SCAPER: variants seen among roughly 807,000 people sequenced by gnomAD.
The protein encoded by SCAPER is S phase cyclin A-associated protein in the endoplasmic reticulum.
Under a neutral mutation model 182.2 loss-of-function variants are expected in SCAPER, and 98 were observed. The ratio of observed to expected loss-of-function variants is 0.54; its 90% CI spans 0.46 to 0.64. SCAPER has a LOEUF of 0.64. SCAPER is among the 30% of genes least tolerant of loss of function. The pLI is 0.00. For synonymous variants in SCAPER, 605 were observed against 564.6 expected (o/e 1.07, Z -1.01); for missense variants, 1,432 against 1,690.0 (o/e 0.85, Z 2.68).
At chr15:76,569,931 G>A (rs545062310) in intron 23 of SCAPER, among the ~76,000 whole-genome samples, 1 of 152,074 alleles carries the variant, frequency 6.6e-6, no homozygotes, top group South Asian at 2.1e-4. Context: ...GCATAGTTCT[G>A]GAGCATCTGT....
intron 20 of SCAPER, among the ~76,000 whole-genome samples, chr15:76,682,273 C>A (rs1347206260): frequency 7.0e-6 from 1 of 143,862 alleles, no homozygotes; most frequent in Non-Finnish European, 1.5e-5. Context: ...TTCCCCCCCC[C>A]ACCCCACAGT....
chr15:76,540,552 AGT>A (rs2044647184), intron 23 of SCAPER, among the ~76,000 whole-genome samples: 1 of 152,038 alleles, frequency 6.6e-6, no homozygotes, highest in African/African-American at 2.4e-5. Context: ...AAAATATATG[AGT>A]GTATATGTAT....
At chr15:76,531,797 A>C (rs1330397084) in intron 23 of SCAPER, among the ~76,000 whole-genome samples, 1 of 152,166 alleles carries the variant, frequency 6.6e-6, no homozygotes, top group African/African-American at 2.4e-5. Context: ...ATGGAGAGTT[A>C]GTGGTCTACT....
intron 2 of SCAPER, among the ~76,000 whole-genome samples, chr15:76,877,943 T>C (rs2073283698): frequency 1.3e-5 from 2 of 152,218 alleles, no homozygotes; most frequent in Non-Finnish European, 2.9e-5. Flanking sequence ...TAAAAGAATG[T>C]CCTTAATTCT....
At chr15:76,634,149 G>T (rs566401173) in intron 21 of SCAPER, among the ~76,000 whole-genome samples, 1 of 152,376 alleles carries the variant, frequency 6.6e-6, no homozygotes, top group African/African-American at 2.4e-5. Flanking sequence ...TTATCCACAG[G>T]TTACAAGGAT....
At chr15:76,526,375 T>A (rs2043196857) in intron 23 of SCAPER, among the ~76,000 whole-genome samples, 1 of 152,224 alleles carries the variant, frequency 6.6e-6, no homozygotes, top group Admixed American at 6.5e-5. Context: ...TTTTACATAA[T>A]CTGTCTCTAC....
intron 2 of SCAPER, among the ~76,000 whole-genome samples, chr15:76,868,377 A>G (rs972877261): frequency 2.1e-4 from 31 of 149,370 alleles, no homozygotes; most frequent in Non-Finnish European, 1.3e-4. Flanking sequence ...TGGGTGACAG[A>G]GTGAGACCTT....
rs762985790 is a variant in SCAPER at position 76,841,715 on chromosome 15, G to C, written c.393+19C>G. 13 of 1,610,456 alleles carry C rather than the reference G, an allele frequency of 8.1e-6. No homozygotes were observed. The highest frequency in any genetic ancestry group is 1.7e-5 in the Admixed American group (1 of 59,602). On this transcript the variant is annotated intron_variant, in intron 5 of 31. Transcript: ENST00000563290. ...AATCTGAGTTCAAATGGATTACAAGGCCTCAAAGCAAACCTTACCTTACAT... is the reference window on the plus strand; with the variant it reads ...AATCTGAGTTCAAATGGATTACAAGCCCTCAAAGCAAACCTTACCTTACAT...
chr15:76,465,273 C>T (rs1222640477), intron 25 of SCAPER, among the ~76,000 whole-genome samples: 2 of 152,100 alleles, frequency 1.3e-5, no homozygotes, highest in African/African-American at 4.8e-5. Context: ...ATAGAAGGCG[C>T]TTTCCAGCTG....
intron 29 of SCAPER, among the ~76,000 whole-genome samples, chr15:76,361,421 C>T (rs957250067): frequency 6.6e-6 from 1 of 152,212 alleles, no homozygotes; most frequent in African/African-American, 2.4e-5. Context: ...CTTGCCTTCA[C>T]CGAGTGCCCA....
intron 20 of SCAPER, among the ~76,000 whole-genome samples, chr15:76,671,535 C>G (rs553662193): frequency 6.6e-6 from 1 of 151,764 alleles, no homozygotes; most frequent in Non-Finnish European, 1.5e-5. Context: ...TGTGGGAGGC[C>G]GAGGTGGGCA....
intron 26 of SCAPER, among the ~76,000 whole-genome samples, chr15:76,407,968 A>T (rs1290919542): frequency 6.6e-6 from 1 of 152,208 alleles, no homozygotes; most frequent in Non-Finnish European, 1.5e-5. Context: ...CTCTAAAAAA[A>T]ATCACTTAAA....
chr15:76,732,976 C>T (rs1482922457), intron 16 of SCAPER, among the ~76,000 whole-genome samples: 2 of 152,172 alleles, frequency 1.3e-5, no homozygotes, highest in African/African-American at 2.4e-5. Flanking sequence ...GGCTCACACG[C>T]CTTACCCTGC....
At chr15:76,851,010 C>T (rs1451355187) in intron 4 of SCAPER, among the ~76,000 whole-genome samples, 1 of 151,396 alleles carries the variant, frequency 6.6e-6, no homozygotes, top group East Asian at 1.9e-4. Context: ...TAAAAAAGAA[C>T]CTAACAGATC....
chr15:76,472,503 T>C (rs2050267284), intron 24 of SCAPER: 2 of 390,882 alleles, frequency 5.1e-6, no homozygotes, highest in Admixed American at 3.5e-5. Flanking sequence ...GTAGCTGGAA[T>C]TACATGAACC....
intron 21 of SCAPER, among the ~76,000 whole-genome samples, chr15:76,645,450 G>C (rs1333293444): frequency 6.6e-6 from 1 of 151,462 alleles, no homozygotes; most frequent in Non-Finnish European, 1.5e-5. Flanking sequence ...TAGACTACTT[G>C]CATTTTGCTC....
At chr15:76,489,879 A>AT in intron 24 of SCAPER, among the ~76,000 whole-genome samples, 1 of 152,188 alleles carries the variant, frequency 6.6e-6, no homozygotes, top group South Asian at 2.1e-4. Context: ...ACCTCATATA[A>AT]ACAAAATCAT....
At chr15:76,815,424 C>T (rs1478596414) in intron 5 of SCAPER, among the ~76,000 whole-genome samples, 1 of 152,174 alleles carries the variant, frequency 6.6e-6, no homozygotes, top group African/African-American at 2.4e-5. Flanking sequence ...CACATACATA[C>T]AGTCAAGCAT....
intron 23 of SCAPER, among the ~76,000 whole-genome samples, chr15:76,561,098 G>A (rs1430111613): frequency 2.6e-5 from 4 of 152,072 alleles, no homozygotes; most frequent in Non-Finnish European, 4.4e-5. Flanking sequence ...TTTACTCACT[G>A]CGTGAGGCAA....
Sources: gnomAD v4.1 joint callset for allele counts (sites outside exome capture counted in the v4.1 genomes callset) on GRCh38, gnomAD v4.1.1 for gene constraint, MANE v1.5 for transcripts, NCBI Gene and HGNC (gene_info 2026-07-23, HGNC 2026-07-21) for gene names.